Variants in IARS1 observed in about 807,000 individuals in gnomAD.
The protein encoded by IARS1 is isoleucyl-tRNA synthetase 1, also known as isoleucine--tRNA ligase, cytoplasmic.
A neutral mutation model predicts 168.2 loss-of-function variants in IARS1; 124 were observed. The observed-to-expected ratio is 0.74, with a 90% confidence interval of 0.64 to 0.86. IARS1 has a LOEUF of 0.86. Among genes scored for constraint, IARS1 ranks in the 40% least tolerant of loss-of-function variants. The pLI, the probability that IARS1 is intolerant of heterozygous loss-of-function variation, is 0.00. For missense variants in IARS1, 1,452 were observed against 1,515.8 expected, an observed-to-expected ratio of 0.96 and a Z score of 0.70; for synonymous variants, 532 against 529.4, an observed-to-expected ratio of 1.00 and a Z score of -0.07.
In IARS1 at chr9:92,247,400, T is replaced by C; in HGVS notation, c.2768A>G (p.Glu923Gly). The change falls in exon 26 of 34, where the codon GAG (glutamate) becomes GGG (glycine). Residue 923 changes from glutamate to glycine, a missense_variant. By Grantham distance (98) the Glu-to-Gly change is moderately conservative (BLOSUM62 -2). Coordinates refer to ENST00000443024, the MANE Select transcript of IARS1 (RefSeq NM_002161.6). ...ACCAGTCTTCTGGAACTGCTCCAGC[T>C]CCTCACTGCTCAACTGCTTGATGGA... ...MTSIKQLSSE[E>G]LEQFQKTGTI... The C allele has an allele frequency of 6.2e-7, 1 of 1,614,108 alleles. No individual in the cohort carries two copies. The highest frequency in any genetic ancestry group is 8.5e-7 in the Non-Finnish European group (1 of 1,179,990).
chr9:92,291,852 C>T (rs776076248), intron 1 of IARS1, among the ~76,000 whole-genome samples: 4 of 152,140 alleles, frequency 2.6e-5, no homozygotes, highest in Non-Finnish European at 5.9e-5. Context: ...CTCGCACCTA[C>T]GAGTCAGAAC....
At chr9:92,219,057 C>A (rs1386176314) in intron 33 of IARS1, among the ~76,000 whole-genome samples, 1 of 152,172 alleles carries the variant, frequency 6.6e-6, no homozygotes, top group African/African-American at 2.4e-5. Context: ...CAGCATGGTA[C>A]TGGTACCAAA....
At chr9:92,212,372 A>G (rs1434391122) in intron 33 of IARS1, among the ~76,000 whole-genome samples, 1 of 152,242 alleles carries the variant, frequency 6.6e-6, no homozygotes, top group Non-Finnish European at 1.5e-5. Flanking sequence ...TCTTAGATAA[A>G]TCACTAAACA....
intron 30 of IARS1, among the ~76,000 whole-genome samples, chr9:92,232,289 A>C (rs1826837702): frequency 6.6e-6 from 1 of 152,200 alleles, no homozygotes; most frequent in African/African-American, 2.4e-5. Flanking sequence ...TTTCCAAATA[A>C]AATACTGAAG....
At chr9:92,265,431 T>C in intron 15 of IARS1, 49 bp downstream of exon 15, 1 of 1,507,472 alleles carries the variant, frequency 6.6e-7, no homozygotes, top group Non-Finnish European at 9.2e-7. Flanking sequence ...GACCAGGTCT[T>C]AATAGGAGAA....
At chr9:92,222,788 G>A (rs762407258) in intron 32 of IARS1, 116 bp from the exon 33 acceptor site, 50 of 901,326 alleles carry the variant, frequency 5.5e-5, no homozygotes, top group Non-Finnish European at 8.1e-5. Flanking sequence ...GTGCGTCCAG[G>A]AGCGTGAGTG....
intron 7 of IARS1, among the ~76,000 whole-genome samples, chr9:92,278,845 C>T (rs771185513): frequency 3.3e-5 from 5 of 152,256 alleles, no homozygotes; most frequent in East Asian, 3.9e-4. Context: ...CTCTATGGGA[C>T]GCTATTTTAT....
At chr9:92,271,456 TTACAA>T (rs1833015082) in intron 11 of IARS1, 72 bp downstream of exon 11, 2 of 1,558,400 alleles carry the variant, frequency 1.3e-6, no homozygotes, top group South Asian at 1.1e-5. Flanking sequence ...CCTAGAAGAA[TTACAA>T]TACAATTATA....
At chr9:92,260,271 C>T (rs753245529) in intron 17 of IARS1, 37 bp from the exon 18 acceptor site, 55 of 1,221,218 alleles carry the variant, frequency 4.5e-5, no homozygotes, top group Non-Finnish European at 6.3e-5. Flanking sequence ...TTAAGTAAGT[C>T]AATATCACAG....
Position 92,214,801 on chromosome 9 carries a change from T to C in IARS1, c.3707-3912A>G, listed in dbSNP as rs375810941. 2.5e-3 allele frequency among the ~76,000 whole-genome samples: 377 copies of C among 152,258 alleles called. 3 individuals carry two copies. The highest frequency in any genetic ancestry group is 0.014 in the Middle Eastern group (4 of 294). Reference sequence around the variant, plus strand: ...CACGGAGTCTCGCTGATTGCTAGCATAGCAGTCTGAGATCAAACTGCAAGG... The same window carrying C: ...CACGGAGTCTCGCTGATTGCTAGCACAGCAGTCTGAGATCAAACTGCAAGG... On this transcript the variant is annotated intron_variant, in intron 33 of 33. Transcript: ENST00000443024.
At position 92,285,819 on chromosome 9, in the gene IARS1, T is replaced by C. The variant is rs780810676; in HGVS notation, c.500A>G (p.Tyr167Cys). The C allele has an allele frequency of 1.1e-5, 18 of 1,608,124 alleles. No individual in the cohort carries two copies. Among genetic ancestry groups the C allele is most frequent in the East Asian group, 2.2e-5 (1 of 44,820 alleles). ...ACCTCTATAAACAAGGCCTTTATCA[T>C]AGAGTTGTTTGAAGACCCACCTGGT... is the stretch of plus-strand genomic sequence containing the variant. Reference protein sequence around the residue: ...ESVWWVFKQLYDKGLVYRGVK... With the variant: ...ESVWWVFKQLCDKGLVYRGVK... The change falls in exon 6 of 34, where the codon TAT becomes TGT. Residue 167 changes from tyrosine to cysteine, a missense_variant. By Grantham distance (194) the Tyr-to-Cys change is radical. Transcript: ENST00000443024.
intron 20 of IARS1, among the ~76,000 whole-genome samples, chr9:92,256,023 A>T (rs1830665629): frequency 8.4e-6 from 1 of 119,376 alleles, no homozygotes; most frequent in Admixed American, 8.5e-5. Flanking sequence ...ATGTACCCAT[A>T]AAAAAAAAAA....
At chr9:92,231,464 A>G (rs1587732633) in intron 30 of IARS1, among the ~76,000 whole-genome samples, 2 of 139,788 alleles carry the variant, frequency 1.4e-5, no homozygotes, top group South Asian at 4.5e-4. Context: ...CCCAGGCTGG[A>G]GTGCAATGGC....
At chr9:92,242,980 TA>T (rs536958865) in intron 28 of IARS1, 120 of 420,536 alleles carry the variant, frequency 2.9e-4, no homozygotes, top group Middle Eastern at 7.5e-4. Context: ...CCAACGGAGC[TA>T]AAAAAAAGGA....
Position 92,265,070 on chromosome 9 carries a change from A to G in IARS1, c.1559T>C (p.Ile520Thr). Residue 520 changes from isoleucine to threonine, a missense_variant, in exon 16 of 34, where the codon ATC becomes ACC. Transcript: ENST00000443024. ...SRCGKGSLHR[I>T]SEVFDCWFES... The stretch of plus-strand genomic sequence containing the variant: ...AAACCAACAGTCAAACACTTCAGAG[A>G]TGCGGTGCAAGGATCCCTTCCCACA... The G allele has an allele frequency of 1.2e-6, 2 of 1,614,188 alleles. No homozygotes were observed. The highest frequency in any genetic ancestry group is 1.7e-6 in the Non-Finnish European group (2 of 1,180,026).
Position 92,250,152 on chromosome 9 carries a change from T to C in IARS1, c.2532+35A>G, listed in dbSNP as rs780151091. ...ATTCCAAACACTTAATTAATTTAGG[T>C]CTGTGCCATGTAAAATAGAAGTAAA... On this transcript the variant is annotated intron_variant, in intron 24 of 33. Coordinates refer to ENST00000443024, the MANE Select transcript of IARS1 (RefSeq NM_002161.6). 17 of 1,289,520 alleles carry C rather than the reference T, an allele frequency of 1.3e-5. No homozygotes were observed. In the African/African-American group the frequency reaches 2.2e-4, roughly 17 times the overall value. 79.9% of individuals were successfully genotyped at this position (1,289,520 alleles called of 1,614,324 possible).
At chr9:92,231,551 T>C (rs781706933) in intron 30 of IARS1, among the ~76,000 whole-genome samples, 8 of 151,442 alleles carry the variant, frequency 5.3e-5, no homozygotes, top group Non-Finnish European at 1.2e-4. Flanking sequence ...GTAGCTGGGA[T>C]TACAGACATG....
chr9:92,261,538 G>C (rs924396443), intron 17 of IARS1, among the ~76,000 whole-genome samples: 3 of 152,098 alleles, frequency 2.0e-5, no homozygotes, highest in African/African-American at 7.2e-5. Flanking sequence ...TCCTACACAC[G>C]ATAGCCGTAT....
chr9:92,256,786 T>C lies in IARS1; in HGVS notation c.2031A>G (p.Glu677=). ...VLRLQKEEEI[E]FLYNENTVRE... is the part of the protein sequence containing the mutation. ...TAACCGTGTTCTCATTGTAGAGAAATTCTATTTCTTCCTCCTAGGAAGGAA... is the reference window on the plus strand; with the variant it reads ...TAACCGTGTTCTCATTGTAGAGAAACTCTATTTCTTCCTCCTAGGAAGGAA... The change falls in exon 20 of 34, where the codon GAA becomes GAG. Residue 677 remains glutamate, a synonymous_variant. Coordinates refer to ENST00000443024, the MANE Select transcript of IARS1 (RefSeq NM_002161.6). 1 of 1,612,914 alleles carries C rather than the reference T, an allele frequency of 6.2e-7. No homozygotes were observed. The highest frequency in any genetic ancestry group is 8.5e-7 in the Non-Finnish European group (1 of 1,179,202).
Sources: gnomAD v4.1 joint callset for allele counts (sites outside exome capture counted in the v4.1 genomes callset) on GRCh38, gnomAD v4.1.1 for gene constraint, MANE v1.5 for transcripts, NCBI Gene and HGNC (gene_info 2026-07-23, HGNC 2026-07-21) for gene names.